Variants in HS3ST2 observed in about 807,000 individuals in gnomAD.
HS3ST2 encodes the protein heparan sulfate glucosamine 3-O-sulfotransferase 2.
Under a neutral mutation model 26.3 loss-of-function variants are expected in HS3ST2, and 17 were observed. The observed-to-expected ratio is 0.65, with a 90% confidence interval of 0.44 to 0.97. The LOEUF is 0.97. HS3ST2 is among the 50% of genes least tolerant of loss of function. The pLI, the probability that HS3ST2 is intolerant of heterozygous loss-of-function variation, is 0.00. For missense variants in HS3ST2, 402 were observed against 501.2 expected, an observed-to-expected ratio of 0.80 and a Z score of 1.89; for synonymous variants, 237 against 219.2, an observed-to-expected ratio of 1.08 and a Z score of -0.72.
chr16:22,832,794 TC>T (rs1419836527), intron 1 of HS3ST2, among the ~76,000 whole-genome samples: 1 of 149,828 alleles, frequency 6.7e-6, no homozygotes, highest in Non-Finnish European at 1.5e-5. Flanking sequence ...CCCAGGGTTT[TC>T]CCCAAACAAG....
chr16:22,880,771 G>C, intron 1 of HS3ST2, among the ~76,000 whole-genome samples: 1 of 152,130 alleles, frequency 6.6e-6, no homozygotes, highest in Non-Finnish European at 1.5e-5. Context: ...CCTAAGATAC[G>C]GTCTATGGAC....
At chr16:22,873,960 G>A (rs1419598174) in intron 1 of HS3ST2, among the ~76,000 whole-genome samples, 1 of 152,222 alleles carries the variant, frequency 6.6e-6, no homozygotes, top group African/African-American at 2.4e-5. Context: ...CTTACTCAAT[G>A]GAGATCACAG....
chr16:22,827,360 G>C (rs989680434), intron 1 of HS3ST2, among the ~76,000 whole-genome samples: 2 of 152,168 alleles, frequency 1.3e-5, no homozygotes, highest in Non-Finnish European at 2.9e-5. Context: ...AGGACTATTG[G>C]CTAGTGTTGA....
intron 1 of HS3ST2, among the ~76,000 whole-genome samples, chr16:22,882,040 C>G (rs1172976415): frequency 6.6e-6 from 1 of 152,162 alleles, no homozygotes; most frequent in Admixed American, 6.5e-5. Context: ...TGCATGAAAT[C>G]TTTATTTCTT....
At chr16:22,870,101 C>T (rs556654825) in intron 1 of HS3ST2, among the ~76,000 whole-genome samples, 81 of 152,246 alleles carry the variant, frequency 5.3e-4, no homozygotes, top group African/African-American at 1.8e-3. Flanking sequence ...TTTATACCCC[C>T]TTCTAGGGTT....
chr16:22,824,687 C>CT (rs576028331), intron 1 of HS3ST2, among the ~76,000 whole-genome samples: 18 of 152,328 alleles, frequency 1.2e-4, no homozygotes, highest in African/African-American at 3.8e-4. Context: ...TCTTTGTGTG[C>CT]TTTTAACTGT....
At chr16:22,815,737 T>C (rs967158974) in intron 1 of HS3ST2, among the ~76,000 whole-genome samples, 4 of 152,212 alleles carry the variant, frequency 2.6e-5, no homozygotes, top group African/African-American at 9.6e-5. Flanking sequence ...GTCTTGGGTC[T>C]GTCACTTAAG....
chr16:22,825,884 G>A (rs141792210), intron 1 of HS3ST2, among the ~76,000 whole-genome samples: 1,542 of 152,278 alleles, frequency 0.01, 6 homozygotes, highest in Non-Finnish European at 0.017. Context: ...TTAGCTGGGC[G>A]TGGTGGCGTG....
At chr16:22,826,759 G>A (rs1901092515) in intron 1 of HS3ST2, among the ~76,000 whole-genome samples, 1 of 152,130 alleles carries the variant, frequency 6.6e-6, no homozygotes, top group African/African-American at 2.4e-5. Flanking sequence ...GCCACACCTG[G>A]TTCTGAAAGA....
chr16:22,861,389 G>T (rs892415293), intron 1 of HS3ST2, among the ~76,000 whole-genome samples: 4 of 151,744 alleles, frequency 2.6e-5, no homozygotes, highest in Non-Finnish European at 5.9e-5. Context: ...TACTGGCATA[G>T]ACAGAACCTG....
intron 1 of HS3ST2, among the ~76,000 whole-genome samples, chr16:22,879,887 A>G (rs554505834): frequency 6.6e-6 from 1 of 152,180 alleles, no homozygotes; most frequent in East Asian, 1.9e-4. Context: ...ATGACCATGA[A>G]CCCCAGACTG....
chr16:22,853,476 A>G (rs999272658), intron 1 of HS3ST2, among the ~76,000 whole-genome samples: 4 of 152,182 alleles, frequency 2.6e-5, no homozygotes, highest in African/African-American at 7.2e-5. Context: ...TGGGTAAAAG[A>G]GAGAATTTAG....
intron 1 of HS3ST2, among the ~76,000 whole-genome samples, chr16:22,823,146 A>G (rs1279139788): frequency 6.6e-6 from 1 of 152,232 alleles, no homozygotes; most frequent in Non-Finnish European, 1.5e-5. Flanking sequence ...CACTTGCCAT[A>G]ATTAGAAAGT....
intron 1 of HS3ST2, among the ~76,000 whole-genome samples, chr16:22,854,216 C>G (rs1348636039): frequency 6.6e-6 from 1 of 152,126 alleles, no homozygotes; most frequent in East Asian, 1.9e-4. Flanking sequence ...TCTTTGATGT[C>G]TACTGTTAAC....
chr16:22,908,032 C>G (rs934182272), intron 1 of HS3ST2, among the ~76,000 whole-genome samples: 1 of 152,094 alleles, frequency 6.6e-6, no homozygotes, highest in Non-Finnish European at 1.5e-5. Context: ...GGAGCTGAGG[C>G]AGGAGGATTG....
chr16:22,910,882 G>A (rs1041052938), intron 1 of HS3ST2, among the ~76,000 whole-genome samples: 8 of 152,162 alleles, frequency 5.3e-5, no homozygotes, highest in African/African-American at 1.9e-4. Flanking sequence ...GCTCAGGATG[G>A]TTGCACATAA....
chr16:22,852,169 A>G (rs374307102), intron 1 of HS3ST2, among the ~76,000 whole-genome samples: 25 of 152,284 alleles, frequency 1.6e-4, no homozygotes, highest in African/African-American at 5.5e-4. Flanking sequence ...CTTCTAAACA[A>G]TACAGTGAGC....
intron 1 of HS3ST2, among the ~76,000 whole-genome samples, chr16:22,863,205 A>C (rs1405778404): frequency 6.6e-6 from 1 of 152,256 alleles, no homozygotes; most frequent in Non-Finnish European, 1.5e-5. Context: ...CCTTTGGGAT[A>C]GCACATCAGT....
At chr16:22,843,469 G>A (rs1901387779) in intron 1 of HS3ST2, among the ~76,000 whole-genome samples, 2 of 152,134 alleles carry the variant, frequency 1.3e-5, no homozygotes, top group South Asian at 4.1e-4. Flanking sequence ...GCTTCAAGTT[G>A]GGGTTCCCAT....
Sources: gnomAD v4.1 joint callset for allele counts (sites outside exome capture counted in the v4.1 genomes callset) on GRCh38, gnomAD v4.1.1 for gene constraint, MANE v1.5 for transcripts, NCBI Gene and HGNC (gene_info 2026-07-23, HGNC 2026-07-21) for gene names.